The following POU6F2 variants were observed in gnomAD, a reference collection of about 807,000 sequenced individuals.
POU6F2 encodes POU domain, class 6, transcription factor 2.
POU6F2 carries 31 observed loss-of-function variants against 71.3 expected under a neutral mutation model. The observed-to-expected ratio is 0.43, with a 90% CI of 0.33 to 0.59. POU6F2 has a LOEUF of 0.59. Ranked by LOEUF, POU6F2 falls within the 20% of genes least tolerant of loss-of-function variation. The pLI is 0.04. For synonymous variants in POU6F2, 347 were observed against 355.7 expected (o/e 0.98, Z 0.27); for missense variants, 783 against 856.8 (o/e 0.91, Z 1.07).
intron 5 of POU6F2, among the ~76,000 whole-genome samples, chr7:39,345,805 G>A (rs923352507): frequency 6.6e-6 from 1 of 152,162 alleles, no homozygotes; most frequent in Non-Finnish European, 1.5e-5. Flanking sequence ...AGCTCAGAGA[G>A]TTATGAAAAT....
intron 3 of POU6F2, among the ~76,000 whole-genome samples, chr7:39,206,087 G>C (rs1302548137): frequency 6.6e-6 from 1 of 152,086 alleles, no homozygotes; most frequent in Non-Finnish European, 1.5e-5. Flanking sequence ...ATAGTGCCTG[G>C]CTATTATACA....
At chr7:39,194,679 C>T (rs1278618014) in intron 2 of POU6F2, among the ~76,000 whole-genome samples, 1 of 152,224 alleles carries the variant, frequency 6.6e-6, no homozygotes, top group Non-Finnish European at 1.5e-5. Flanking sequence ...CCACTCCGGT[C>T]CCCTTCTACG....
chr7:39,000,273 T>C (rs1360519918), intron 1 of POU6F2, among the ~76,000 whole-genome samples: 1 of 152,188 alleles, frequency 6.6e-6, no homozygotes, highest in South Asian at 2.1e-4. Context: ...CTTATAGATA[T>C]ACTCTTGGGA....
At chr7:39,198,334 AT>A (rs1328068724) in intron 2 of POU6F2, among the ~76,000 whole-genome samples, 1 of 152,170 alleles carries the variant, frequency 6.6e-6, no homozygotes, top group Non-Finnish European at 1.5e-5. Context: ...CAAATAAGAG[AT>A]TTGTAGAATT....
rs376057837 is a variant in POU6F2 at position 39,166,884 on chromosome 7, G to A, written c.278-37351G>A. 1.5e-4 allele frequency among the ~76,000 whole-genome samples: 23 copies of A among 152,242 alleles called. No homozygotes were observed. The East Asian group carries it at 2.5e-3, about 17-fold the overall frequency. On this transcript the variant is annotated intron_variant, in intron 2 of 9. Transcript: ENST00000518318. ...TCCCAAATTTGAGTGGGGTTTTCCC[G>A]TAGACTAATGTTAGCTCTGTAAGTT...
chr7:39,291,937 T>G (rs547835024), intron 4 of POU6F2, among the ~76,000 whole-genome samples: 12 of 149,216 alleles, frequency 8.0e-5, no homozygotes, highest in African/African-American at 2.2e-4. Flanking sequence ...TTTTTACTAT[T>G]CCCTTTACCT....
chr7:39,024,179 A>G (rs547941361), intron 1 of POU6F2, among the ~76,000 whole-genome samples: 1 of 151,898 alleles, frequency 6.6e-6, no homozygotes, highest in Non-Finnish European at 1.5e-5. Context: ...CTTTTATTTC[A>G]TTGAGCAGTG....
At position 39,263,541 on chromosome 7, in the gene POU6F2, C is replaced by T. The variant is rs77939340; in HGVS notation, c.598+55921C>T. 1.5e-3 allele frequency among the ~76,000 whole-genome samples: 230 copies of T among 152,244 alleles called. 6 individuals carry two copies. The South Asian group carries it at 0.043, about 28-fold the overall frequency. On this transcript the variant is annotated intron_variant, in intron 4 of 9. Coordinates refer to ENST00000518318, the MANE Select transcript of POU6F2 (RefSeq NM_001370959.1). ...GTATAATTTGGGTATCTTTTGGATACAATGTTCTGAACAAAGAAAAATAGA... is the reference window on the plus strand; with the variant it reads ...GTATAATTTGGGTATCTTTTGGATATAATGTTCTGAACAAAGAAAAATAGA...
At chr7:39,318,261 C>A (rs1045178542) in intron 4 of POU6F2, among the ~76,000 whole-genome samples, 2 of 152,096 alleles carry the variant, frequency 1.3e-5, no homozygotes, top group Non-Finnish European at 2.9e-5. Flanking sequence ...GCACTACTCA[C>A]GGTTGGACCA....
chr7:39,133,475 A>G (rs910127856), intron 2 of POU6F2, among the ~76,000 whole-genome samples: 2 of 152,258 alleles, frequency 1.3e-5, no homozygotes, highest in South Asian at 2.1e-4. Context: ...CTTCTTTACT[A>G]GGTTTCAAAA....
At chr7:39,416,445 C>A (rs1435293821) in intron 6 of POU6F2, among the ~76,000 whole-genome samples, 1 of 152,062 alleles carries the variant, frequency 6.6e-6, no homozygotes, top group Admixed American at 6.6e-5. Flanking sequence ...CAATAGAAAA[C>A]CCTATCCCAG....
At chr7:39,141,599 A>C (rs186614147) in intron 2 of POU6F2, among the ~76,000 whole-genome samples, 89 of 152,358 alleles carry the variant, frequency 5.8e-4, no homozygotes, top group Non-Finnish European at 8.2e-4. Flanking sequence ...CTTAAAACTT[A>C]TCTATAGTTC....
chr7:39,189,418 C>T (rs539991578), intron 2 of POU6F2, among the ~76,000 whole-genome samples: 2 of 152,182 alleles, frequency 1.3e-5, no homozygotes, highest in African/African-American at 2.4e-5. Context: ...CTCGCTCTGT[C>T]GCCAGGCCGG....
In POU6F2 at chr7:39,191,786, G is replaced by C. The variant is rs114115760; in HGVS notation, c.278-12449G>C. ...TATAACACTCTATGAATGCACTCAA[G>C]TTAATAGCATCTTTTAGCAATAGAT... is the stretch of plus-strand genomic sequence containing the variant. On this transcript the variant is annotated intron_variant, in intron 2 of 9. Transcript: ENST00000518318. Among the ~76,000 whole-genome samples, 155 of 152,298 alleles carry C rather than the reference G, an allele frequency of 1.0e-3. 1 individual carries two copies. The Middle Eastern group carries it at 0.01, about 10-fold the overall frequency.
intron 6 of POU6F2, 101 bp downstream of exon 6, chr7:39,406,841 T>C: frequency 1.4e-6 from 2 of 1,442,068 alleles, no homozygotes; most frequent in Non-Finnish European, 1.9e-6. Context: ...CCGCATCTAT[T>C]CGAGGCAAAT....
chr7:39,031,518 A>G (rs960302106), intron 1 of POU6F2, among the ~76,000 whole-genome samples: 3 of 152,120 alleles, frequency 2.0e-5, no homozygotes, highest in Non-Finnish European at 4.4e-5. Context: ...TATTTTATTT[A>G]CCCACCAGCC....
chr7:39,377,275 T>G (rs1477471055), intron 5 of POU6F2, among the ~76,000 whole-genome samples: 6 of 151,862 alleles, frequency 4.0e-5, no homozygotes, highest in Admixed American at 3.3e-4. Flanking sequence ...GGATTACAGG[T>G]GCACACCACC....
chr7:39,468,283 C>T lies in POU6F2; in HGVS notation c.*3597C>T, dbSNP rs539801754. ...CACAAAGAGATCTGCTTCTCCGTGC[C>T]CGGAGCAGGCAGCAGGAGGGAGGGC... On this transcript the variant is annotated 3_prime_UTR_variant, in exon 10 of 10. Transcript: ENST00000518318. 3 of 151,598 alleles carry T rather than the reference C, an allele frequency of 2.0e-5. No homozygotes were observed. The East Asian group carries it at 5.8e-4, about 29-fold the overall frequency. 9.4% of individuals were successfully genotyped at this position (151,598 alleles called of 1,614,324 possible). A position where few individuals can be genotyped will look rare whatever the true frequency, so the allele number is the denominator to read the frequency against.
chr7:39,241,130 G>A (rs62453434), intron 4 of POU6F2, among the ~76,000 whole-genome samples: 22,717 of 152,008 alleles, frequency 0.15, 1,855 homozygotes, highest in African/African-American at 0.23. Context: ...GAATTAGGTC[G>A]CATGCGTACT....
Sources: gnomAD v4.1 joint callset for allele counts (sites outside exome capture counted in the v4.1 genomes callset) on GRCh38, gnomAD v4.1.1 for gene constraint, MANE v1.5 for transcripts, NCBI Gene and HGNC (gene_info 2026-07-23, HGNC 2026-07-21) for gene names.